The following CACNA1S variants were observed in gnomAD, a reference collection of about 807,000 sequenced individuals.
The protein encoded by CACNA1S is voltage-dependent L-type calcium channel subunit alpha-1S.
Under a neutral mutation model 207.4 loss-of-function variants are expected in CACNA1S, and 126 were observed. That is an observed-to-expected ratio of 0.61 (90% confidence interval 0.53 to 0.70). The LOEUF is 0.70. CACNA1S is among the 30% of genes least tolerant of loss of function. The probability of loss-of-function intolerance (pLI) is 0.00; values close to 1 mark genes in which losing one functional copy is unlikely to be tolerated. For synonymous variants in CACNA1S, 960 were observed against 932.7 expected, an observed-to-expected ratio of 1.03 and a Z score of -0.53; for missense variants, 2,349 against 2,422.8, an observed-to-expected ratio of 0.97 and a Z score of 0.64.
intron 13 of CACNA1S, 90 bp from the exon 14 acceptor site, chr1:201,074,710 T>A: frequency 1.3e-6 from 1 of 753,240 alleles, no homozygotes; most frequent in Non-Finnish European, 2.2e-6. Context: ...GGGCAGGACC[T>A]AACCCCACTC....
chr1:201,048,629 G>A lies in CACNA1S; in HGVS notation c.4394C>T (p.Ala1465Val). The A allele has an allele frequency of 6.2e-7, 1 of 1,613,962 alleles. No individual in the cohort carries two copies. The highest frequency in any genetic ancestry group is 8.5e-7 in the Non-Finnish European group (1 of 1,180,036). Residue 1465 changes from alanine to valine, a missense_variant, in exon 36 of 44, where the codon GCC becomes GTC. Physicochemically the swap from Ala to Val is moderately conservative, Grantham distance 64 (BLOSUM62 0). Transcript: ENST00000362061. The part of the protein sequence containing the change: ...LNSDGTVTFN[A>V]TLFALVRTAL... Reference sequence around the variant, plus strand: ...CGTGCGGACCAGGGCAAAGAGTGTGGCATTGAAGGTGACTGTGCCGTCGCT... The same window carrying A: ...CGTGCGGACCAGGGCAAAGAGTGTGACATTGAAGGTGACTGTGCCGTCGCT...
intron 36 of CACNA1S, 138 bp downstream of exon 36, chr1:201,048,444 G>T: frequency 1.3e-6 from 1 of 746,406 alleles, no homozygotes; most frequent in Non-Finnish European, 2.3e-6. Flanking sequence ...AGGACTTTGT[G>T]CCCATGGCCT....
chr1:201,080,932 C>G (rs1456406183), intron 10 of CACNA1S, among the ~76,000 whole-genome samples: 1 of 152,150 alleles, frequency 6.6e-6, no homozygotes, highest in Non-Finnish European at 1.5e-5. Context: ...GTTTAGAATC[C>G]TTGGACCATG....
In CACNA1S at chr1:201,095,503, T is replaced by C. The variant is rs529296189; in HGVS notation, c.259-1482A>G. ...GGGAAGAGGTCCCCAAATGGCTCAC[T>C]ATTGTGGATATGGCTCCAGAAACCT... On this transcript the variant is annotated intron_variant, in intron 2 of 43. Transcript: ENST00000362061. Among the ~76,000 whole-genome samples the C allele has an allele frequency of 2.3e-3, 347 of 152,316 alleles. 2 individuals carry two copies. Among genetic ancestry groups the C allele is most frequent in the African/African-American group, 8.0e-3 (333 of 41,558 alleles).
Position 201,089,309 on chromosome 1 carries a change from G to A in CACNA1S, c.849C>T (p.Leu283=). 6.2e-7 allele frequency: 1 copy of A among 1,614,268 alleles called. No homozygotes were observed. Among genetic ancestry groups the A allele is most frequent in the Non-Finnish European group, 8.5e-7 (1 of 1,180,048 alleles). Residue 283 remains leucine, a synonymous_variant, in exon 6 of 44, where the codon CTC becomes CTT. Coordinates refer to ENST00000362061, the MANE Select transcript of CACNA1S (RefSeq NM_000069.3). The stretch of plus-strand genomic sequence containing the variant: ...CCATGGTAATGCACTGGTACACGGT[G>A]AGCATGGAGAAGCCGAAGTTGTCGA... ...THFDNFGFSM[L]TVYQCITMEG... is the part of the protein sequence containing the mutation.
chr1:201,109,243 CAAA>C (rs56739161), intron 2 of CACNA1S, among the ~76,000 whole-genome samples: 143 of 118,516 alleles, frequency 1.2e-3, no homozygotes, highest in Admixed American at 1.9e-3. Context: ...GACTCTGTCT[CAAA>C]AAAAAAAAAA....
chr1:201,057,738 GA>G (rs1423130812), intron 28 of CACNA1S, among the ~76,000 whole-genome samples: 9 of 152,170 alleles, frequency 5.9e-5, no homozygotes, highest in African/African-American at 2.2e-4. Flanking sequence ...GAGGCAGGTG[GA>G]TCACTTGAGC....
intron 26 of CACNA1S, 32 bp from the exon 27 acceptor site, chr1:201,059,331 G>T: frequency 6.7e-7 from 1 of 1,487,974 alleles, no homozygotes; most frequent in Middle Eastern, 1.8e-4. Flanking sequence ...AGTGGGTCAG[G>T]GGGGCCGGGT....
intron 38 of CACNA1S, 84 bp downstream of exon 38, chr1:201,047,031 C>T: frequency 1.9e-6 from 3 of 1,564,468 alleles, no homozygotes; most frequent in East Asian, 2.2e-5. Context: ...ATCATTGGCC[C>T]CTCAAGGACA....
chr1:201,066,857 T>G lies in CACNA1S; in HGVS notation c.2657+30A>C. 2.0e-6 allele frequency: 3 copies of G among 1,529,294 alleles called. No individual in the cohort carries two copies. The highest frequency in any genetic ancestry group is 1.7e-4 in the Middle Eastern group (1 of 5,822). 94.7% of individuals were successfully genotyped at this position (1,529,294 alleles called of 1,614,324 possible). ...CTGGCACAGAGCAGAGGGTGGTCTG[T>G]GCCCAGGGCTGGCCCTTGCCGCTGC... On this transcript the variant is annotated intron_variant, in intron 20 of 43. Coordinates refer to ENST00000362061, the MANE Select transcript of CACNA1S (RefSeq NM_000069.3). This position sits in a 1 kb window ranked among gnomAD's most constrained non-coding sequence, Gnocchi z 4.3.
chr1:201,056,070 G>GACACACACAC (rs58170287), intron 28 of CACNA1S, among the ~76,000 whole-genome samples: 2,831 of 94,836 alleles, frequency 0.03, 54 homozygotes, highest in African/African-American at 0.058. Flanking sequence ...CAGACAGACA[G>GACACACACAC]ACACACACAC....
intron 2 of CACNA1S, among the ~76,000 whole-genome samples, chr1:201,109,350 A>T (rs1045478879): frequency 2.6e-5 from 4 of 152,210 alleles, no homozygotes; most frequent in Non-Finnish European, 5.9e-5. Flanking sequence ...AACTCTCTGA[A>T]TATCAGTCTC....
At chr1:201,040,837 A>G (rs1223925651) in intron 41 of CACNA1S, 124 bp from the exon 42 acceptor site, 10 of 751,360 alleles carry the variant, frequency 1.3e-5, no homozygotes, top group Non-Finnish European at 2.3e-5. Flanking sequence ...TCAGGGCTGC[A>G]GAAGGTGTCT....
At position 201,039,857 on chromosome 1, in the gene CACNA1S, C is replaced by T. The variant is rs867124389; in HGVS notation, c.5596G>A (p.Glu1866Lys). The T allele has an allele frequency of 6.2e-7, 1 of 1,608,364 alleles. No homozygotes were observed. The highest frequency in any genetic ancestry group is 8.5e-7 in the Non-Finnish European group (1 of 1,180,018). ...GSLDQHQGSQ[E>K]TLIPPRL ...CACAGCCTTGGAGGAATAAGGGTCTCCTGGGAGCCCTGGTGTTGGTCGAGG... is the reference window on the plus strand; with the variant it reads ...CACAGCCTTGGAGGAATAAGGGTCTTCTGGGAGCCCTGGTGTTGGTCGAGG... Residue 1866 changes from glutamate (E) to lysine (K), a missense_variant, in exon 44 of 44, where the codon GAG becomes AAG. By Grantham distance (56) the Glu-to-Lys change is moderately conservative. Transcript: ENST00000362061.
intron 23 of CACNA1S, 88 bp from the exon 24 acceptor site, chr1:201,062,178 G>A: frequency 6.6e-7 from 1 of 1,524,896 alleles, no homozygotes; most frequent in Non-Finnish European, 9.0e-7. Context: ...TGGGGAGTGT[G>A]AAGGAGAAAT....
At chr1:201,046,440 C>CAA (rs971955249) in intron 38 of CACNA1S, among the ~76,000 whole-genome samples, 1 of 152,070 alleles carries the variant, frequency 6.6e-6, no homozygotes, top group Non-Finnish European at 1.5e-5. Context: ...CTTGGCCTCC[C>CAA]AAAGCGCTGG....
intron 10 of CACNA1S, among the ~76,000 whole-genome samples, chr1:201,080,442 C>A (rs1403778214): frequency 6.6e-6 from 1 of 152,142 alleles, no homozygotes; most frequent in African/African-American, 2.4e-5. Flanking sequence ...AGTGTTTTGA[C>A]AACGATTGGC....
rs200772623 is a variant in CACNA1S at position 201,043,345 on chromosome 1, T to A, written c.4984A>T (p.Asn1662Tyr). The change falls in exon 40 of 44, where the codon AAC becomes TAC. Residue 1662 changes from asparagine to tyrosine, a missense_variant. Coordinates refer to ENST00000362061, the MANE Select transcript of CACNA1S (RefSeq NM_000069.3). ...TAGGCGACATTGGCGTTGGCATTGTTGGTATTGGCACGAGCCAGGGGGTTG... is the reference window on the plus strand; with the variant it reads ...TAGGCGACATTGGCGTTGGCATTGTAGGTATTGGCACGAGCCAGGGGGTTG... The part of the protein sequence containing the change: ...RTNPLARANT[N>Y]NANANVAYGN... 5.0e-6 allele frequency: 8 copies of A among 1,613,992 alleles called. No individual in the cohort carries two copies. Among genetic ancestry groups the A allele is most frequent in the Middle Eastern group, 1.6e-4 (1 of 6,084 alleles).
intron 2 of CACNA1S, among the ~76,000 whole-genome samples, chr1:201,098,961 C>T (rs899337455): frequency 6.6e-6 from 1 of 152,170 alleles, no homozygotes; most frequent in African/African-American, 2.4e-5. Context: ...GATGCACAGG[C>T]CTTGCACCTG....
Sources: gnomAD v4.1 joint callset for allele counts (sites outside exome capture counted in the v4.1 genomes callset) on GRCh38, gnomAD v4.1.1 for gene constraint, Gnocchi (gnomAD v3.1) non-coding constraint, MANE v1.5 for transcripts, NCBI Gene and HGNC (gene_info 2026-07-23, HGNC 2026-07-21) for gene names.